The following KCNK2 variants were observed in gnomAD, a reference collection of about 807,000 sequenced individuals.
The protein encoded by KCNK2 is potassium channel subfamily K member 2.
A neutral mutation model predicts 40.5 loss-of-function variants in KCNK2; 21 were observed. The ratio of observed to expected loss-of-function variants is 0.52; its 90% CI spans 0.37 to 0.75. KCNK2 has a LOEUF of 0.75. KCNK2 is among the 30% of genes least tolerant of loss of function. KCNK2 has a pLI of 0.00. For missense variants in KCNK2, 399 were observed against 531.6 expected (o/e 0.75, Z 2.45); for synonymous variants, 191 against 202.2 (o/e 0.94, Z 0.47).
intron 3 of KCNK2, among the ~76,000 whole-genome samples, chr1:215,147,999 G>A (rs771347007): frequency 1.3e-5 from 2 of 149,824 alleles, no homozygotes; most frequent in African/African-American, 2.5e-5. Context: ...TATTATTAAT[G>A]TTGTTTTTCT....
At chr1:215,116,495 TC>T (rs1418181433) in intron 2 of KCNK2, among the ~76,000 whole-genome samples, 3 of 152,074 alleles carry the variant, frequency 2.0e-5, no homozygotes, top group African/African-American at 7.2e-5. Context: ...AATCTGTTGT[TC>T]CCTGCTTTGG....
Position 215,229,664 on chromosome 1 carries a change from GA to G in KCNK2, c.964-5156del, listed in dbSNP as rs541921992. ...GAGTGAAACCCTGTCTCAAAACAAAGAAAAAAAAGTGAAAAAAGAAAAAAAA... is the reference window on the plus strand; with the variant it reads ...GAGTGAAACCCTGTCTCAAAACAAAGAAAAAAAGTGAAAAAAGAAAAAAAA... On this transcript the variant is annotated intron_variant, in intron 6 of 6. Coordinates refer to ENST00000444842, the MANE Select transcript of KCNK2 (RefSeq NM_001017425.3). Among the ~76,000 whole-genome samples, 10 of 147,972 alleles carry G rather than the reference GA, an allele frequency of 6.8e-5. No homozygotes were observed. The East Asian group carries it at 1.0e-3, about 15-fold the overall frequency.
At chr1:215,131,232 C>A (rs960061601) in intron 3 of KCNK2, among the ~76,000 whole-genome samples, 4 of 150,944 alleles carry the variant, frequency 2.6e-5, no homozygotes, top group Admixed American at 1.3e-4. Flanking sequence ...GCAAAAATGA[C>A]GTATGGACAA....
intron 2 of KCNK2, among the ~76,000 whole-genome samples, chr1:215,117,658 T>C (rs571612704): frequency 6.6e-6 from 1 of 152,278 alleles, no homozygotes; most frequent in East Asian, 1.9e-4. Context: ...TAGCATTAAC[T>C]GAGAACTGCT....
intron 5 of KCNK2, among the ~76,000 whole-genome samples, chr1:215,185,170 A>G (rs1571706239): frequency 6.6e-6 from 1 of 152,098 alleles, no homozygotes; most frequent in East Asian, 1.9e-4. Flanking sequence ...ATACAAACTT[A>G]TAGAAATATA....
chr1:215,227,791 A>T (rs1414963634), intron 6 of KCNK2, among the ~76,000 whole-genome samples: 2 of 152,078 alleles, frequency 1.3e-5, no homozygotes, highest in Admixed American at 1.3e-4. Flanking sequence ...GAAGGAATTG[A>T]GAGGAAAAGA....
Position 215,083,160 on chromosome 1 carries a change from C to T in KCNK2, c.-226C>T. 1 of 948,116 alleles carries T rather than the reference C, an allele frequency of 1.1e-6. No individual in the cohort carries two copies. The highest frequency in any genetic ancestry group is 1.6e-6 in the Non-Finnish European group (1 of 619,760). The allele number at this position is 948,116 out of a possible 1,614,324, so 58.7% of individuals were successfully genotyped here. A position where few individuals can be genotyped will look rare whatever the true frequency, so the allele number is the denominator to read the frequency against. ...CGCCCTCTGCCCAGCCCGCCGGTGTCCCCTCCTTCCCGCGATTTCGTTTCT... is the reference window on the plus strand; with the variant it reads ...CGCCCTCTGCCCAGCCCGCCGGTGTTCCCTCCTTCCCGCGATTTCGTTTCT... On this transcript the variant is annotated 5_prime_UTR_variant, in exon 1 of 7. Coordinates refer to ENST00000444842, the MANE Select transcript of KCNK2 (RefSeq NM_001017425.3).
At chr1:215,152,709 T>C (rs1054882213) in intron 3 of KCNK2, among the ~76,000 whole-genome samples, 8 of 152,188 alleles carry the variant, frequency 5.3e-5, no homozygotes, top group Non-Finnish European at 1.0e-4. Context: ...TGATATTTGA[T>C]TTGTTTCTAT....
chr1:215,156,007 CATT>C (rs1210825840), intron 3 of KCNK2, among the ~76,000 whole-genome samples: 11 of 151,736 alleles, frequency 7.2e-5, no homozygotes, highest in African/African-American at 2.7e-4. Context: ...CTGGAGTTAT[CATT>C]ATGAAAAATT....
chr1:215,150,570 A>G (rs1292092695), intron 3 of KCNK2, among the ~76,000 whole-genome samples: 1 of 152,132 alleles, frequency 6.6e-6, no homozygotes, highest in African/African-American at 2.4e-5. Flanking sequence ...AAATTCTTGC[A>G]TATAACTTAC....
intron 2 of KCNK2, among the ~76,000 whole-genome samples, chr1:215,108,104 A>G (rs1318986920): frequency 2.6e-5 from 4 of 152,052 alleles, no homozygotes; most frequent in Non-Finnish European, 1.5e-5. Context: ...TACACTTTAC[A>G]ATAGGGTTTG....
Position 215,042,942 on chromosome 1 carries a change from T to G in KCNK2, c.34+36987T>G, listed in dbSNP as rs185654156. ...TTTCATTCTAGGCTCTCTTATTGAATTTAATGTTATCTCTTATGACATTGT... is the reference window on the plus strand; with the variant it reads ...TTTCATTCTAGGCTCTCTTATTGAAGTTAATGTTATCTCTTATGACATTGT... On this transcript the variant is annotated intron_variant, in intron 1 of 6. Coordinates refer to the KCNK2 transcript ENST00000391895. 2.0e-5 allele frequency among the ~76,000 whole-genome samples: 3 copies of G among 152,336 alleles called. No homozygotes were observed. In the East Asian group the frequency reaches 5.8e-4, roughly 29 times the overall value.
intron 1 of KCNK2, among the ~76,000 whole-genome samples, chr1:215,084,640 T>G (rs1407946925): frequency 6.6e-6 from 1 of 152,214 alleles, no homozygotes; most frequent in Non-Finnish European, 1.5e-5. Flanking sequence ...CCAGTGCTAA[T>G]TTTGAGTGAA....
chr1:215,220,185 ATAC>A lies in KCNK2; in HGVS notation c.964-14641_964-14639del, dbSNP rs544601561. On this transcript the variant is annotated intron_variant, in intron 6 of 6. Transcript: ENST00000444842. ...TATATATTTTGAGAACCATGAATTC[ATAC>A]TGGTATCTCTAGTTCCAATCTGATA... Among the ~76,000 whole-genome samples, 30 of 152,324 alleles carry A rather than the reference ATAC, an allele frequency of 2.0e-4. No homozygotes were observed. In the South Asian group the frequency reaches 6.2e-3, roughly 32 times the overall value.
chr1:215,187,554 TAA>T (rs1664493132), intron 5 of KCNK2, among the ~76,000 whole-genome samples: 1 of 151,892 alleles, frequency 6.6e-6, no homozygotes, highest in Non-Finnish European at 1.5e-5. Flanking sequence ...AAAAAACACA[TAA>T]AGTGTTAGTG....
chr1:215,209,086 C>G (rs1178624595), intron 6 of KCNK2, among the ~76,000 whole-genome samples: 5 of 151,002 alleles, frequency 3.3e-5, no homozygotes, highest in Non-Finnish European at 7.4e-5. Flanking sequence ...CTTGGCCTCC[C>G]AAAGTGCTGG....
chr1:215,126,282 T>C (rs1322863459), intron 3 of KCNK2, among the ~76,000 whole-genome samples: 1 of 152,100 alleles, frequency 6.6e-6, no homozygotes, highest in Non-Finnish European at 1.5e-5. Flanking sequence ...AGCATGCTGA[T>C]TTTTTGCCTT....
In KCNK2 at chr1:215,083,362, A is replaced by G; in HGVS notation, c.-24A>G. On this transcript the variant is annotated 5_prime_UTR_variant, in exon 1 of 7. Transcript: ENST00000444842. ...AGCTTCAAGTCCGTCTTTTTCAAAAAACATTTTGAATGCTGCATGCCTCAT... is the reference window on the plus strand; with the variant it reads ...AGCTTCAAGTCCGTCTTTTTCAAAAGACATTTTGAATGCTGCATGCCTCAT... The G allele has an allele frequency of 6.2e-7, 1 of 1,614,074 alleles. No individual in the cohort carries two copies. Among genetic ancestry groups the G allele is most frequent in the Non-Finnish European group, 8.5e-7 (1 of 1,179,994 alleles).
At chr1:215,057,325 C>T (rs905147499) in intron 1 of KCNK2, among the ~76,000 whole-genome samples, 3 of 151,872 alleles carry the variant, frequency 2.0e-5, no homozygotes, top group Non-Finnish European at 4.4e-5. Flanking sequence ...CCTGGTTAGG[C>T]ATACAACAAA....
Sources: allele counts gnomAD v4.1 joint callset (sites outside exome capture counted in the v4.1 genomes callset), GRCh38; gene constraint gnomAD v4.1.1; transcripts MANE v1.5; gene names NCBI Gene and HGNC (gene_info 2026-07-23, HGNC 2026-07-21).